The following GSAP variants were observed in gnomAD, a reference collection of about 807,000 sequenced individuals.
GSAP encodes gamma-secretase activating protein, also known as gamma-secretase-activating protein.
Under a neutral mutation model 131.7 loss-of-function variants are expected in GSAP, and 118 were observed. The ratio of observed to expected loss-of-function variants is 0.90; its 90% CI spans 0.77 to 1.04. The LOEUF is 1.04. GSAP is among the 50% of genes least tolerant of loss of function. GSAP has a pLI of 0.00. For missense variants in GSAP, 1,019 were observed against 1,013.2 expected, an observed-to-expected ratio of 1.01 and a Z score of -0.08; for synonymous variants, 381 against 363.4, an observed-to-expected ratio of 1.05 and a Z score of -0.55.
intron 1 of GSAP, among the ~76,000 whole-genome samples, chr7:77,410,380 T>A (rs1803055965): frequency 6.6e-6 from 1 of 152,174 alleles, no homozygotes; most frequent in Non-Finnish European, 1.5e-5. Flanking sequence ...ACACACCCTT[T>A]TAAAAGAAGT....
At chr7:77,351,195 T>G in intron 18 of GSAP, 10 of 983,476 alleles carry the variant, frequency 1.0e-5, no homozygotes, top group Non-Finnish European at 1.2e-5. Flanking sequence ...GAATCTATTG[T>G]GTGCTTCATT....
chr7:77,374,452 T>C (rs1011660934), intron 11 of GSAP, among the ~76,000 whole-genome samples: 2 of 152,198 alleles, frequency 1.3e-5, no homozygotes, highest in Admixed American at 6.5e-5. Flanking sequence ...TAAATGTTCA[T>C]ATATGATGAA....
intron 1 of GSAP, among the ~76,000 whole-genome samples, chr7:77,414,775 T>C (rs981578835): frequency 4.7e-5 from 7 of 149,178 alleles, no homozygotes; most frequent in East Asian, 4.0e-4. Context: ...TACTTGGTAG[T>C]AGAAGACAGA....
chr7:77,327,577 T>A (rs991752129), intron 22 of GSAP: 2 of 152,118 alleles, frequency 1.3e-5, no homozygotes, highest in Non-Finnish European at 2.9e-5. Flanking sequence ...TAAAATAGTT[T>A]CCATTAGAAT....
chr7:77,402,748 G>A (rs1801594908), intron 3 of GSAP, among the ~76,000 whole-genome samples: 1 of 150,316 alleles, frequency 6.7e-6, no homozygotes, highest in South Asian at 2.1e-4. Flanking sequence ...ATGGGAGAAG[G>A]GGAGGGTTTG....
chr7:77,324,790 T>A (rs1037652887), intron 23 of GSAP, among the ~76,000 whole-genome samples: 1 of 151,686 alleles, frequency 6.6e-6, no homozygotes, highest in Non-Finnish European at 1.5e-5. Context: ...CCCATTCTAA[T>A]GTTGCATGTT....
intron 12 of GSAP, 138 bp from the exon 13 acceptor site, chr7:77,362,798 A>G (rs531491558): frequency 1.6e-6 from 1 of 607,610 alleles, no homozygotes; most frequent in African/African-American, 1.9e-5. Context: ...AAGTCCTAGA[A>G]GTGGTCTATT....
rs1264617265 is a variant in GSAP at position 77,330,622 on chromosome 7, A to AC, written c.1546-256dup. ...GTTGTTTTTTTAAACCACATAGAGA[A>AC]CTGCTGCTCACTTCCCAAAACCAAC... On this transcript the variant is annotated intron_variant, in intron 19 of 30. Coordinates refer to ENST00000257626, the MANE Select transcript of GSAP (RefSeq NM_017439.4). The AC allele has an allele frequency of 9.4e-6, 10 of 1,065,446 alleles. No individual in the cohort carries two copies. The African/African-American group carries it at 1.7e-4, about 18-fold the overall frequency. 66.0% of individuals were successfully genotyped at this position (1,065,446 alleles called of 1,614,324 possible).
intron 10 of GSAP, 103 bp from the exon 11 acceptor site, chr7:77,375,204 CTAA>C: frequency 1.6e-6 from 1 of 635,984 alleles, no homozygotes; most frequent in South Asian, 1.9e-5. Flanking sequence ...TTATGTTTGC[CTAA>C]TAATGATATT....
chr7:77,389,655 T>G (rs1799154821), intron 5 of GSAP, among the ~76,000 whole-genome samples: 1 of 152,220 alleles, frequency 6.6e-6, no homozygotes, highest in African/African-American at 2.4e-5. Flanking sequence ...GGTGTATATG[T>G]GCCACATTTT....
At chr7:77,338,758 G>T (rs528420041) in intron 19 of GSAP, among the ~76,000 whole-genome samples, 12 of 152,274 alleles carry the variant, frequency 7.9e-5, no homozygotes, top group African/African-American at 2.9e-4. Context: ...CATCACCTTG[G>T]GGGTCAGGAC....
intron 6 of GSAP, among the ~76,000 whole-genome samples, chr7:77,383,185 T>C (rs6465599): frequency 0.18 from 26,652 of 152,068 alleles, 2,532 homozygotes; most frequent in South Asian, 0.3. Context: ...AGACTCTGTC[T>C]AAAAATAAAG....
At chr7:77,370,497 A>G (rs1295412950) in intron 12 of GSAP, among the ~76,000 whole-genome samples, 2 of 152,226 alleles carry the variant, frequency 1.3e-5, no homozygotes, top group Admixed American at 1.3e-4. Context: ...GCAAAGCACC[A>G]GGGAAGAACC....
intron 5 of GSAP, among the ~76,000 whole-genome samples, chr7:77,395,728 A>G (rs1284938528): frequency 5.3e-5 from 8 of 152,188 alleles, no homozygotes; most frequent in African/African-American, 1.9e-4. Context: ...GTGTCATGAG[A>G]AGCCTGGGAG....
chr7:77,379,910 T>C, intron 8 of GSAP: 1 of 975,486 alleles, frequency 1.0e-6, no homozygotes. Flanking sequence ...GATACACAAT[T>C]GATAAATTCC....
Position 77,355,719 on chromosome 7 carries a change from C to T in GSAP, c.1028-72G>A, listed in dbSNP as rs189792484. 4.1e-4 allele frequency: 355 copies of T among 861,552 alleles called. 1 individual carries two copies. The Middle Eastern group carries it at 5.6e-3, about 14-fold the overall frequency. 53.4% of individuals were successfully genotyped at this position (861,552 alleles called of 1,614,324 possible). On this transcript the variant is annotated intron_variant, in intron 14 of 30. Coordinates refer to ENST00000257626, the MANE Select transcript of GSAP (RefSeq NM_017439.4). The stretch of plus-strand genomic sequence containing the variant: ...ACAGGTACAGAATGTCACATTATCC[C>T]TGCTTGTCTCTGAATATCTCAAAAG...
chr7:77,324,734 TA>T (rs1401371138), intron 23 of GSAP, among the ~76,000 whole-genome samples: 1 of 151,612 alleles, frequency 6.6e-6, no homozygotes, highest in Non-Finnish European at 1.5e-5. Flanking sequence ...CCCATAATCC[TA>T]CCACCCATAT....
chr7:77,385,658 G>C (rs771338535), intron 6 of GSAP, among the ~76,000 whole-genome samples: 3 of 152,166 alleles, frequency 2.0e-5, no homozygotes, highest in Admixed American at 1.3e-4. Flanking sequence ...TGCAGCTTGG[G>C]AGCTTCAGGC....
At chr7:77,335,238 A>G (rs1342162110) in intron 19 of GSAP, among the ~76,000 whole-genome samples, 1 of 152,042 alleles carries the variant, frequency 6.6e-6, no homozygotes, top group Non-Finnish European at 1.5e-5. Context: ...CGGCTCTATT[A>G]AAAATGCAAA....
Sources: gnomAD v4.1 joint callset for allele counts (sites outside exome capture counted in the v4.1 genomes callset) on GRCh38, gnomAD v4.1.1 for gene constraint, MANE v1.5 for transcripts, NCBI Gene and HGNC (gene_info 2026-07-23, HGNC 2026-07-21) for gene names.